PCDH15: variants seen among roughly 807,000 people sequenced by gnomAD.
PCDH15 encodes the protein protocadherin related 15, also known as protocadherin-15.
A neutral mutation model predicts 178.5 loss-of-function variants in PCDH15; 129 were observed. The observed-to-expected ratio is 0.72, with a 90% CI of 0.63 to 0.84. The LOEUF (loss-of-function observed/expected upper bound fraction) is 0.84. Ranked by LOEUF, PCDH15 falls within the 40% of genes least tolerant of loss-of-function variation. PCDH15 has a pLI of 0.00. For synonymous variants in PCDH15, 800 were observed against 732.0 expected (o/e 1.09, Z -1.50); for missense variants, 2,230 against 2,099.9 (o/e 1.06, Z -1.21).
At chr10:54,425,805 G>C (rs1400035005) in intron 3 of PCDH15, among the ~76,000 whole-genome samples, 1 of 151,974 alleles carries the variant, frequency 6.6e-6, no homozygotes, top group Admixed American at 6.6e-5. Flanking sequence ...CTTAACTCAA[G>C]GATAAGCATA....
At chr10:54,843,412 C>T (rs1953452709) in intron 3 of PCDH15, among the ~76,000 whole-genome samples, 2 of 151,852 alleles carry the variant, frequency 1.3e-5, no homozygotes, top group African/African-American at 4.8e-5. Flanking sequence ...GAGTTTAATG[C>T]CAAGAAATGC....
intron 2 of PCDH15, among the ~76,000 whole-genome samples, chr10:55,419,523 G>A (rs1185124343): frequency 6.6e-6 from 1 of 151,812 alleles, no homozygotes; most frequent in Non-Finnish European, 1.5e-5. Flanking sequence ...AATGGAGAAA[G>A]AATTGCACTA....
At chr10:54,111,759 T>C (rs1157175000) in intron 15 of PCDH15, among the ~76,000 whole-genome samples, 1 of 152,076 alleles carries the variant, frequency 6.6e-6, no homozygotes, top group Non-Finnish European at 1.5e-5. Flanking sequence ...GAAGTGTCTC[T>C]TCCCCAGAAC....
intron 3 of PCDH15, among the ~76,000 whole-genome samples, chr10:54,860,752 T>A (rs903854287): frequency 1.3e-5 from 2 of 152,190 alleles, no homozygotes; most frequent in African/African-American, 4.8e-5. Flanking sequence ...GCTGAACTAA[T>A]TTTTATTCAC....
intron 1 of PCDH15, among the ~76,000 whole-genome samples, chr10:54,736,796 T>TAGAGA: frequency 6.6e-6 from 1 of 151,998 alleles, no homozygotes; most frequent in Non-Finnish European, 1.5e-5. Context: ...ACTATGATTC[T>TAGAGA]AGAGAATAGG....
intron 2 of PCDH15, among the ~76,000 whole-genome samples, chr10:55,568,176 A>T (rs987915691): frequency 6.6e-6 from 1 of 152,042 alleles, no homozygotes; most frequent in South Asian, 2.1e-4. Flanking sequence ...TCAAGAGTAG[A>T]ACGGATAAGC....
chr10:54,158,520 A>G (rs1278939023), intron 13 of PCDH15, among the ~76,000 whole-genome samples: 1 of 152,178 alleles, frequency 6.6e-6, no homozygotes, highest in Non-Finnish European at 1.5e-5. Flanking sequence ...TCAATCACCC[A>G]TGTGACCACA....
intron 6 of PCDH15, among the ~76,000 whole-genome samples, chr10:54,343,094 A>C (rs1320808239): frequency 6.6e-6 from 1 of 152,140 alleles, no homozygotes. Context: ...GGAACTATTG[A>C]GAAGGCATGA....
At chr10:55,055,649 A>G (rs541235250) in intron 2 of PCDH15, among the ~76,000 whole-genome samples, 1 of 152,204 alleles carries the variant, frequency 6.6e-6, no homozygotes, top group East Asian at 1.9e-4. Flanking sequence ...CAAAAAGTAC[A>G]AAAATTAGCC....
intron 2 of PCDH15, among the ~76,000 whole-genome samples, chr10:55,498,478 T>C (rs1243061748): frequency 1.3e-5 from 2 of 151,978 alleles, no homozygotes; most frequent in East Asian, 3.9e-4. Context: ...CAAGACACTT[T>C]AAAATGAGAA....
intron 23 of PCDH15, among the ~76,000 whole-genome samples, chr10:53,958,408 A>C (rs2087853578): frequency 6.6e-6 from 1 of 152,068 alleles, no homozygotes; most frequent in Admixed American, 6.6e-5. Flanking sequence ...ACAACTTAAA[A>C]CTGTGTTAAT....
chr10:55,104,011 G>T (rs1254879341), intron 2 of PCDH15, among the ~76,000 whole-genome samples: 1 of 151,880 alleles, frequency 6.6e-6, no homozygotes, highest in African/African-American at 2.4e-5. Flanking sequence ...AAAAACTTGA[G>T]GTTAGCAGGT....
intron 7 of PCDH15, among the ~76,000 whole-genome samples, chr10:54,324,911 T>A (rs957575373): frequency 6.6e-6 from 1 of 152,124 alleles, no homozygotes; most frequent in Admixed American, 6.6e-5. Context: ...AAAAATGATA[T>A]GTAAAGAGAT....
intron 3 of PCDH15, among the ~76,000 whole-genome samples, chr10:54,846,218 C>A (rs1953508366): frequency 6.6e-6 from 1 of 152,068 alleles, no homozygotes; most frequent in Non-Finnish European, 1.5e-5. Flanking sequence ...ATAAAACACA[C>A]AGTATCACAA....
At chr10:55,386,317 C>T (rs1837658125) in intron 2 of PCDH15, among the ~76,000 whole-genome samples, 1 of 151,784 alleles carries the variant, frequency 6.6e-6, no homozygotes. Context: ...TTTTAAAAAA[C>T]TGAAAACTTT....
intron 33 of PCDH15, among the ~76,000 whole-genome samples, chr10:53,818,858 T>C (rs923691855): frequency 6.6e-6 from 1 of 152,026 alleles, no homozygotes; most frequent in African/African-American, 2.4e-5. Context: ...CATAACTTTC[T>C]AAAATCCAAC....
intron 2 of PCDH15, among the ~76,000 whole-genome samples, chr10:55,106,667 C>T (rs141523325): frequency 0.029 from 4,398 of 152,206 alleles, 235 homozygotes; most frequent in East Asian, 0.15. Context: ...CCACCCACCT[C>T]GGCCTCCCAA....
chr10:55,485,273 G>A (rs1840272078), intron 2 of PCDH15, among the ~76,000 whole-genome samples: 1 of 151,588 alleles, frequency 6.6e-6, no homozygotes, highest in Admixed American at 6.6e-5. Context: ...GCCAATAAGT[G>A]TCACATTTAT....
intron 2 of PCDH15, among the ~76,000 whole-genome samples, chr10:55,047,029 T>A (rs1432491587): frequency 1.3e-5 from 2 of 151,850 alleles, no homozygotes; most frequent in Admixed American, 1.3e-4. Context: ...TTAATCTCGA[T>A]TACATTCTAG....
Sources: allele counts gnomAD v4.1 joint callset (sites outside exome capture counted in the v4.1 genomes callset), GRCh38; gene constraint gnomAD v4.1.1; transcripts MANE v1.5; gene names NCBI Gene and HGNC (gene_info 2026-07-23, HGNC 2026-07-21).